The following STK32B variants were observed in gnomAD, a reference collection of about 807,000 sequenced individuals.
STK32B encodes the protein serine/threonine-protein kinase 32B.
STK32B carries 43 observed loss-of-function variants against 52.6 expected under a neutral mutation model. That is an observed-to-expected ratio of 0.82 (90% CI 0.64 to 1.05). The LOEUF (loss-of-function observed/expected upper bound fraction) is 1.05. STK32B is among the 50% of genes least tolerant of loss of function. STK32B has a pLI of 0.00. For missense variants in STK32B, 621 were observed against 534.6 expected (o/e 1.16, Z -1.59); for synonymous variants, 238 against 204.3 (o/e 1.17, Z -1.41).
chr4:5,396,455 A>G lies in STK32B; in HGVS notation c.435-1752A>G, dbSNP rs565878811. Among the ~76,000 whole-genome samples, 1 of 152,280 alleles carries G rather than the reference A, an allele frequency of 6.6e-6. No individual in the cohort carries two copies. The highest frequency in any genetic ancestry group is 1.9e-4 in the East Asian group (1 of 5,178). On this transcript the variant is annotated intron_variant, in intron 4 of 11. Transcript: ENST00000282908. This position sits in a 1 kb window ranked among gnomAD's most constrained non-coding sequence, Gnocchi z 4.7. ...ACCTCTGCAAAGACTCCATTTCCAT[A>G]TAGGGTCCCATTCTGAAGTTCTGGG...
At chr4:5,342,525 A>G (rs1425084919) in intron 4 of STK32B, among the ~76,000 whole-genome samples, 4 of 151,836 alleles carry the variant, frequency 2.6e-5, no homozygotes, top group Non-Finnish European at 4.4e-5. Context: ...ATACACTTTT[A>G]AACAAGCAGG....
intron 1 of STK32B, among the ~76,000 whole-genome samples, chr4:5,121,319 T>C (rs923959439): frequency 1.5e-4 from 23 of 152,228 alleles, no homozygotes; most frequent in African/African-American, 5.5e-4. Flanking sequence ...CACTCCTTGG[T>C]CAATGGGCAT....
rs1715397783 is a variant in STK32B at position 5,126,887 on chromosome 4, C to G, written c.53-13018C>G. On this transcript the variant is annotated intron_variant, in intron 1 of 11. Transcript: ENST00000282908. ...GAATGAATAATACAGGGTCTGGGAC[C>G]TAATTTGTGGTTTAGAGTCTACTGA... Among the ~76,000 whole-genome samples, 5 of 152,214 alleles carry G rather than the reference C, an allele frequency of 3.3e-5. 1 individual carries two copies. In the South Asian group the frequency reaches 1.0e-3, roughly 32 times the overall value.
chr4:5,499,121 C>G lies in STK32B; in HGVS notation c.*38C>G, dbSNP rs375745319. The G allele has an allele frequency of 7.0e-6, 11 of 1,565,090 alleles. No homozygotes were observed. Among genetic ancestry groups the G allele is most frequent in the East Asian group, 2.3e-5 (1 of 42,960 alleles). On this transcript the variant is annotated 3_prime_UTR_variant, in exon 12 of 12. Coordinates refer to ENST00000282908, the MANE Select transcript of STK32B (RefSeq NM_018401.3). ...TGCTGCTCAACAGGACTGCACTCGT[C>G]TCTGCCCTGCCCACCCAGAGCCCCT...
chr4:5,160,156 C>T (rs1718323546), intron 2 of STK32B, among the ~76,000 whole-genome samples: 1 of 152,180 alleles, frequency 6.6e-6, no homozygotes, highest in African/African-American at 2.4e-5. Flanking sequence ...ACACAGAAAA[C>T]TAACCATCAC....
chr4:5,245,673 G>T (rs1170850448), intron 3 of STK32B, among the ~76,000 whole-genome samples: 1 of 152,120 alleles, frequency 6.6e-6, no homozygotes, highest in Non-Finnish European at 1.5e-5. Context: ...AGCCTCGATG[G>T]TCTTTACAAT....
chr4:5,078,030 A>G (rs1712184350), intron 1 of STK32B, among the ~76,000 whole-genome samples: 1 of 152,030 alleles, frequency 6.6e-6, no homozygotes, highest in South Asian at 2.1e-4. Flanking sequence ...TTTTTCACAC[A>G]TCTCTTCTCT....
intron 3 of STK32B, among the ~76,000 whole-genome samples, chr4:5,297,618 T>A (rs1729287268): frequency 6.7e-6 from 1 of 149,674 alleles, no homozygotes. Flanking sequence ...GTTTTTCAGC[T>A]CTGTCTGGTC....
intron 1 of STK32B, chr4:5,139,556 C>G: frequency 3.9e-6 from 1 of 254,060 alleles, no homozygotes; most frequent in Non-Finnish European, 7.7e-6. Flanking sequence ...GGGAGGATGT[C>G]CATGGGATTT....
At chr4:5,246,073 G>C (rs9994703) in intron 3 of STK32B, among the ~76,000 whole-genome samples, 1 of 152,116 alleles carries the variant, frequency 6.6e-6, no homozygotes, top group South Asian at 2.1e-4. Context: ...TTCTCGAGGA[G>C]TATCTTTGTG....
At chr4:5,157,299 T>TAAAAAAA (rs59362249) in intron 2 of STK32B, among the ~76,000 whole-genome samples, 8 of 101,544 alleles carry the variant, frequency 7.9e-5, no homozygotes, top group African/African-American at 7.2e-5. Context: ...TGTGAGGATG[T>TAAAAAAA]AAAAAAAAAA....
intron 4 of STK32B, among the ~76,000 whole-genome samples, chr4:5,391,413 A>T (rs1476268139): frequency 6.6e-6 from 1 of 152,156 alleles, no homozygotes; most frequent in Non-Finnish European, 1.5e-5. Flanking sequence ...ACATATAGAC[A>T]CACACTTTCC....
intron 3 of STK32B, among the ~76,000 whole-genome samples, chr4:5,329,528 C>A (rs1345071012): frequency 1.3e-5 from 2 of 152,162 alleles, no homozygotes; most frequent in African/African-American, 2.4e-5. Context: ...GAGCACTGGC[C>A]TCCTCCTTTC....
At chr4:5,081,082 G>A (rs1360231935) in intron 1 of STK32B, among the ~76,000 whole-genome samples, 1 of 152,094 alleles carries the variant, frequency 6.6e-6, no homozygotes, top group African/African-American at 2.4e-5. Context: ...ACTGCATTTA[G>A]CATAATGTCC....
intron 3 of STK32B, among the ~76,000 whole-genome samples, chr4:5,327,818 G>C (rs746815579): frequency 2.6e-5 from 4 of 152,194 alleles, no homozygotes; most frequent in Non-Finnish European, 4.4e-5. Flanking sequence ...GCCAGGCATT[G>C]ACTTCTCCTC....
At chr4:5,204,743 C>CA (rs1056156969) in intron 3 of STK32B, among the ~76,000 whole-genome samples, 1 of 152,110 alleles carries the variant, frequency 6.6e-6, no homozygotes, top group African/African-American at 2.4e-5. Context: ...GCTGTGATTA[C>CA]AGGTGTGAGC....
At chr4:5,161,134 T>C (rs1577123632) in intron 2 of STK32B, among the ~76,000 whole-genome samples, 1 of 152,162 alleles carries the variant, frequency 6.6e-6, no homozygotes, top group East Asian at 1.9e-4. Flanking sequence ...ATGGCTGACA[T>C]GGTACCAGGC....
In STK32B at chr4:5,398,661, T is replaced by C. The variant is rs1175303610; in HGVS notation, c.472+417T>C. On this transcript the variant is annotated intron_variant, in intron 5 of 11. Transcript: ENST00000282908. This position sits in a 1 kb window ranked among gnomAD's most constrained non-coding sequence, Gnocchi z 4.9. ...GGTGTTCATGAGGGTGAAATGAGAG[T>C]ACACACTCATTTCTAGCAAGCAGAG... 6.6e-6 allele frequency among the ~76,000 whole-genome samples: 1 copy of C among 151,900 alleles called. No individual in the cohort carries two copies. Among genetic ancestry groups the C allele is most frequent in the African/African-American group, 2.4e-5 (1 of 41,324 alleles).
At chr4:5,222,306 G>A (rs956790704) in intron 3 of STK32B, among the ~76,000 whole-genome samples, 7 of 152,302 alleles carry the variant, frequency 4.6e-5, no homozygotes, top group African/African-American at 1.7e-4. Flanking sequence ...ACTGGGTAAT[G>A]GGTAGAGGCT....
Sources: gnomAD v4.1 joint callset for allele counts (sites outside exome capture counted in the v4.1 genomes callset) on GRCh38, gnomAD v4.1.1 for gene constraint, Gnocchi (gnomAD v3.1) non-coding constraint, MANE v1.5 for transcripts, NCBI Gene and HGNC (gene_info 2026-07-23, HGNC 2026-07-21) for gene names.